The following TLCD4 variants were observed in gnomAD, a reference collection of about 807,000 sequenced individuals.
The protein encoded by TLCD4 is TLC domain containing 4, also known as TLC domain-containing protein 4.
Under a neutral mutation model 24.2 loss-of-function variants are expected in TLCD4, and 7 were observed. That is an observed-to-expected ratio of 0.29 (90% CI 0.16 to 0.54). The LOEUF is 0.54. TLCD4 is among the 20% of genes least tolerant of loss of function. TLCD4 has a pLI of 0.95. For synonymous variants in TLCD4, 103 were observed against 106.4 expected, an observed-to-expected ratio of 0.97 and a Z score of 0.20; for missense variants, 259 against 313.9, an observed-to-expected ratio of 0.82 and a Z score of 1.32.
chr1:95,177,646 T>C (rs1678478437), intron 6 of TLCD4, among the ~76,000 whole-genome samples: 1 of 152,200 alleles, frequency 6.6e-6, no homozygotes, highest in Non-Finnish European at 1.5e-5. Context: ...CTAAGTGATG[T>C]ATGCAGTTCA....
intron 6 of TLCD4, among the ~76,000 whole-genome samples, chr1:95,175,504 C>G (rs142250875): frequency 1.1e-3 from 172 of 152,300 alleles, no homozygotes; most frequent in African/African-American, 3.9e-3. Context: ...CATGGGCATA[C>G]AAATATATTT....
intron 1 of TLCD4, among the ~76,000 whole-genome samples, chr1:95,127,625 A>G (rs1230272652): frequency 6.6e-6 from 1 of 152,216 alleles, no homozygotes; most frequent in East Asian, 1.9e-4. Flanking sequence ...ATTAGATGCC[A>G]GGTGGAAAAG....
At chr1:95,094,716 T>A in the TLCD4 span, among the ~76,000 whole-genome samples, 1 of 152,072 alleles carries the variant, frequency 6.6e-6, no homozygotes, top group Non-Finnish European at 1.5e-5. Flanking sequence ...CAGAAGAACT[T>A]CCCAGCTAAA....
At chr1:95,160,920 A>T (rs904165681) in intron 5 of TLCD4, among the ~76,000 whole-genome samples, 1 of 152,000 alleles carries the variant, frequency 6.6e-6, no homozygotes, top group Non-Finnish European at 1.5e-5. Context: ...TTTATTGAGG[A>T]TTTTTGCATC....
intron 6 of TLCD4, among the ~76,000 whole-genome samples, chr1:95,189,334 A>G (rs1490307773): frequency 6.6e-6 from 1 of 152,132 alleles, no homozygotes; most frequent in Non-Finnish European, 1.5e-5. Context: ...ATGTTATATC[A>G]TGCATTTGTA....
At position 95,191,897 on chromosome 1, in the gene TLCD4, T is replaced by G. The variant is rs755010531; in HGVS notation, c.*29T>G. 1 of 1,595,634 alleles carries G rather than the reference T, an allele frequency of 6.3e-7. No homozygotes were observed. Among genetic ancestry groups the G allele is most frequent in the African/African-American group, 1.3e-5 (1 of 74,444 alleles). On this transcript the variant is annotated 3_prime_UTR_variant, in exon 7 of 7. Transcript: ENST00000370203. ...AGTGCTACCGATAAGCAAACTTCAT[T>G]ACTACCCAGCATATCTGCTGATAGG...
At chr1:95,099,557 A>C in the TLCD4 span, among the ~76,000 whole-genome samples, 3 of 152,204 alleles carry the variant, frequency 2.0e-5, no homozygotes, top group Non-Finnish European at 2.9e-5. Flanking sequence ...GAAGACAGGA[A>C]CTATTTTATT....
Position 95,192,128 on chromosome 1 carries a change from T to C in TLCD4, c.*260T>C, listed in dbSNP as rs1679047316. 1 of 540,550 alleles carries C rather than the reference T, an allele frequency of 1.8e-6. No individual in the cohort carries two copies. Among genetic ancestry groups the C allele is most frequent in the Admixed American group, 4.7e-5 (1 of 21,478 alleles). 33.5% of individuals were successfully genotyped at this position (540,550 alleles called of 1,614,324 possible). On this transcript the variant is annotated 3_prime_UTR_variant, in exon 7 of 7. Coordinates refer to ENST00000370203, the MANE Select transcript of TLCD4 (RefSeq NM_152487.3). ...TTGGCCAACATGGTGAAACCTCATC[T>C]CTACTAAAAATACAAAAAAAAGTAG...
rs748480517 is a variant in TLCD4, at chr1:95,144,020, G to A, written c.119G>A (p.Ser40Asn). 1.9e-6 allele frequency: 3 copies of A among 1,553,084 alleles called. No individual in the cohort carries two copies. The highest frequency in any genetic ancestry group is 2.8e-5 in the African/African-American group (2 of 71,866). The change falls in exon 2 of 7, where the codon AGT (serine) becomes AAT (asparagine). Residue 40 changes from serine to asparagine, a missense_variant. Transcript: ENST00000370203. ...FSAKVSPGFN[S>N]LSFKKKIEWN... ...GCAAAAGTTTCTCCAGGTTTCAATA[G>A]TCTCAGCTTCAAAAAGAAGATTGAA...
chr1:95,164,891 T>G (rs1361018079), intron 5 of TLCD4: 1 of 152,240 alleles, frequency 6.6e-6, no homozygotes, highest in African/African-American at 2.4e-5. Flanking sequence ...CTGTGTAATT[T>G]TTTTGGAGTT....
At chr1:95,173,991 G>A (rs1455412702) in intron 6 of TLCD4, 102 bp downstream of exon 6, 15 of 1,488,076 alleles carry the variant, frequency 1.0e-5, no homozygotes, top group Non-Finnish European at 1.3e-5. Context: ...TAAAAGATAC[G>A]GATCTGTGAT....
At chr1:95,187,682 C>T (rs116565407) in intron 6 of TLCD4, among the ~76,000 whole-genome samples, 2,475 of 152,290 alleles carry the variant, frequency 0.016, 38 homozygotes, top group East Asian at 0.076. Context: ...TTATTCCTTA[C>T]ACCTGCCCTC....
At chr1:95,146,238 G>A (rs1057272904) in intron 2 of TLCD4, among the ~76,000 whole-genome samples, 2 of 151,940 alleles carry the variant, frequency 1.3e-5, no homozygotes, top group African/African-American at 4.8e-5. Context: ...GTGAGAAATT[G>A]TTGTACTGAA....
chr1:95,137,137 C>T (rs1438629612), intron 1 of TLCD4, among the ~76,000 whole-genome samples: 1 of 152,092 alleles, frequency 6.6e-6, no homozygotes, highest in African/African-American at 2.4e-5. Context: ...TAAACATTGC[C>T]AAGTTAAAGG....
chr1:95,133,226 A>G (rs1415589364), intron 1 of TLCD4, among the ~76,000 whole-genome samples: 1 of 152,032 alleles, frequency 6.6e-6, no homozygotes, highest in Admixed American at 6.6e-5. Flanking sequence ...TCCTGTGTCC[A>G]TGTGTTGTGG....
At chr1:95,174,078 A>AGCTAGCAAGTGGTGGT in intron 6 of TLCD4, 189 bp downstream of exon 6, 1 of 783,554 alleles carries the variant, frequency 1.3e-6, no homozygotes, top group Non-Finnish European at 2.0e-6. Context: ...AAGTTTCCCT[A>AGCTAGCAAGTGGTGGT]GCTAGCAAGT....
chr1:95,185,892 G>T (rs1268418043), intron 6 of TLCD4, among the ~76,000 whole-genome samples: 2 of 152,126 alleles, frequency 1.3e-5, no homozygotes, highest in Admixed American at 1.3e-4. Flanking sequence ...AGAATTAACT[G>T]TATATCAGTA....
intron 5 of TLCD4, among the ~76,000 whole-genome samples, chr1:95,173,111 A>G (rs11165334): frequency 0.4 from 60,567 of 152,064 alleles, 13,430 homozygotes; most frequent in East Asian, 0.62. Context: ...TATATTTTTC[A>G]GAACAAACAT....
At position 95,173,933 on chromosome 1, in the gene TLCD4, A is replaced by G. The variant is rs762124095; in HGVS notation, c.473+44A>G. On this transcript the variant is annotated intron_variant, in intron 6 of 6. Transcript: ENST00000370203. ...TGATTATTTTAAAGTCATGCTGTTT[A>G]TTTTTAGTTTGGGCAAATCCTTTTC... is the stretch of plus-strand genomic sequence containing the variant. The G allele has an allele frequency of 2.4e-5, 38 of 1,610,602 alleles. 1 individual carries two copies. Among genetic ancestry groups the G allele is most frequent in the Admixed American group, 2.0e-4 (12 of 59,650 alleles).
Sources: allele counts gnomAD v4.1 joint callset (sites outside exome capture counted in the v4.1 genomes callset), GRCh38; gene constraint gnomAD v4.1.1; transcripts MANE v1.5; gene names NCBI Gene and HGNC (gene_info 2026-07-23, HGNC 2026-07-21).